CNTN5: variants seen among roughly 807,000 people sequenced by gnomAD.
CNTN5 encodes contactin-5.
CNTN5 carries 77 observed loss-of-function variants against 129.1 expected under a neutral mutation model. The ratio of observed to expected loss-of-function variants is 0.60; its 90% CI spans 0.50 to 0.72. The LOEUF (loss-of-function observed/expected upper bound fraction) is 0.72. Ranked by LOEUF, CNTN5 falls within the 30% of genes least tolerant of loss-of-function variation. CNTN5 has a pLI of 0.00. For synonymous variants in CNTN5, 509 were observed against 465.6 expected (o/e 1.09, Z -1.20); for missense variants, 1,478 against 1,328.8 (o/e 1.11, Z -1.75).
chr11:100,261,206 A>G (rs146819342), intron 17 of CNTN5, among the ~76,000 whole-genome samples: 167 of 152,262 alleles, frequency 1.1e-3, no homozygotes, highest in African/African-American at 3.9e-3. Context: ...AATTGCCACA[A>G]ACAGAATAAA....
chr11:99,641,420 G>A lies in CNTN5; in HGVS notation c.55+85151G>A, dbSNP rs1055719275. ...GTGAATTGGTTCCAATCCTCCTCCCGGCCTGGTTCTCAAAGGGAACAGGTA... is the reference window on the plus strand; with the variant it reads ...GTGAATTGGTTCCAATCCTCCTCCCAGCCTGGTTCTCAAAGGGAACAGGTA... On this transcript the variant is annotated intron_variant, in intron 3 of 24. Transcript: ENST00000524871. Among the ~76,000 whole-genome samples, 12 of 149,824 alleles carry A rather than the reference G, an allele frequency of 8.0e-5. No individual in the cohort carries two copies. The South Asian group carries it at 1.7e-3, about 21-fold the overall frequency.
intron 2 of CNTN5, among the ~76,000 whole-genome samples, chr11:99,542,109 T>G (rs1948138170): frequency 6.6e-6 from 1 of 152,138 alleles, no homozygotes. Context: ...TTCAATACAT[T>G]AATACATTGT....
intron 18 of CNTN5, among the ~76,000 whole-genome samples, 187 bp from the exon 19 acceptor site, chr11:100,297,438 G>GA (rs34145321): frequency 4.7e-5 from 7 of 150,362 alleles, no homozygotes; most frequent in Middle Eastern, 3.4e-3. Context: ...AAGTGGTCAT[G>GA]AAAAAAAAAG....
At chr11:99,397,592 T>C (rs949337926) in intron 2 of CNTN5, among the ~76,000 whole-genome samples, 1 of 151,888 alleles carries the variant, frequency 6.6e-6, no homozygotes, top group Non-Finnish European at 1.5e-5. Context: ...TAATTCATTA[T>C]ACTTTATTTT....
At chr11:99,028,100 A>C (rs76603076) in intron 1 of CNTN5, among the ~76,000 whole-genome samples, 2,958 of 151,892 alleles carry the variant, frequency 0.019, 86 homozygotes, top group East Asian at 0.1. Context: ...TAACATTTTC[A>C]AATAACAGTA....
intron 13 of CNTN5, among the ~76,000 whole-genome samples, chr11:100,117,039 G>C (rs919193729): frequency 6.6e-5 from 10 of 151,856 alleles, no homozygotes; most frequent in African/African-American, 2.2e-4. Flanking sequence ...AGCACTACTT[G>C]CTTGCTTGGT....
At chr11:100,072,906 G>A (rs1182849578) in intron 12 of CNTN5, among the ~76,000 whole-genome samples, 3 of 138,332 alleles carry the variant, frequency 2.2e-5, no homozygotes, top group Non-Finnish European at 4.5e-5. Context: ...CACCTAGTTA[G>A]TAGCCCTGAA....
chr11:100,325,042 T>C (rs770518016), intron 21 of CNTN5, among the ~76,000 whole-genome samples: 6 of 151,930 alleles, frequency 3.9e-5, no homozygotes, highest in Non-Finnish European at 8.8e-5. Flanking sequence ...AATTCAAGAG[T>C]TTGGGAAACT....
At position 99,965,002 on chromosome 11, in the gene CNTN5, T is replaced by G. The variant is rs183951146; in HGVS notation, c.877+7993T>G. ...GTTTGTATTTCTGTGGGATCGGTGG[T>G]GATATCCCCTTTATCATTTTTTATT... On this transcript the variant is annotated intron_variant, in intron 8 of 24. Transcript: ENST00000524871. Among the ~76,000 whole-genome samples the G allele has an allele frequency of 3.4e-3, 515 of 152,342 alleles. 19 individuals are homozygous for G. The East Asian group carries it at 0.09, about 27-fold the overall frequency.
At chr11:99,958,253 A>G (rs1295781137) in intron 8 of CNTN5, among the ~76,000 whole-genome samples, 2 of 152,212 alleles carry the variant, frequency 1.3e-5, no homozygotes, top group Non-Finnish European at 2.9e-5. Context: ...ACTGGAGGAC[A>G]GGAAACATTA....
At chr11:99,810,046 C>T (rs986731176) in intron 3 of CNTN5, among the ~76,000 whole-genome samples, 3 of 151,976 alleles carry the variant, frequency 2.0e-5, no homozygotes, top group Admixed American at 1.3e-4. Flanking sequence ...ATATTATGCT[C>T]TTGGTGATTT....
intron 1 of CNTN5, among the ~76,000 whole-genome samples, chr11:99,318,358 A>G (rs143627488): frequency 1.3e-5 from 2 of 152,264 alleles, no homozygotes; most frequent in Admixed American, 6.5e-5. Flanking sequence ...CCAACTCCCA[A>G]TCCTGGGGTT....
At chr11:99,934,520 C>T (rs1484271394) in intron 7 of CNTN5, among the ~76,000 whole-genome samples, 1 of 151,926 alleles carries the variant, frequency 6.6e-6, no homozygotes. Flanking sequence ...TATTCGTATC[C>T]CCCACCACCT....
chr11:100,299,927 G>A (rs528531147), intron 20 of CNTN5, among the ~76,000 whole-genome samples: 3 of 151,418 alleles, frequency 2.0e-5, no homozygotes, highest in African/African-American at 4.8e-5. Context: ...TATTGCCTCC[G>A]TTATGTAGAA....
At chr11:99,657,299 A>C (rs897389388) in intron 3 of CNTN5, among the ~76,000 whole-genome samples, 1 of 152,146 alleles carries the variant, frequency 6.6e-6, no homozygotes, top group Non-Finnish European at 1.5e-5. Flanking sequence ...GGATATATAG[A>C]ATAGTACAAC....
At chr11:99,783,266 T>TAAGGGCAG (rs1945382419) in intron 3 of CNTN5, among the ~76,000 whole-genome samples, 1 of 97,814 alleles carries the variant, frequency 1.0e-5, no homozygotes, top group Non-Finnish European at 2.1e-5. Context: ...AAAACCACAA[T>TAAGGGCAG]GAGATACCAT....
At chr11:99,223,771 C>G (rs1860529636) in intron 1 of CNTN5, among the ~76,000 whole-genome samples, 1 of 152,322 alleles carries the variant, frequency 6.6e-6, no homozygotes, top group Middle Eastern at 3.4e-3. Flanking sequence ...AAAGCTTCCT[C>G]TCATTTATAG....
intron 1 of CNTN5, among the ~76,000 whole-genome samples, chr11:99,037,289 C>T (rs1863783049): frequency 6.6e-6 from 1 of 152,140 alleles, no homozygotes; most frequent in African/African-American, 2.4e-5. Context: ...GATAATCTTT[C>T]AGAGACTCAA....
chr11:100,087,343 C>G (rs1193465841), intron 13 of CNTN5, among the ~76,000 whole-genome samples: 4 of 151,588 alleles, frequency 2.6e-5, no homozygotes, highest in Non-Finnish European at 5.9e-5. Flanking sequence ...AAAAAATCTT[C>G]AAACATACAC....
Sources: gnomAD v4.1 joint callset for allele counts (sites outside exome capture counted in the v4.1 genomes callset) on GRCh38, gnomAD v4.1.1 for gene constraint, MANE v1.5 for transcripts, NCBI Gene and HGNC (gene_info 2026-07-23, HGNC 2026-07-21) for gene names.